Variants in SVOPL observed in about 807,000 individuals in gnomAD.
The protein encoded by SVOPL is putative transporter SVOPL.
A neutral mutation model predicts 61.0 loss-of-function variants in SVOPL; 60 were observed. The observed-to-expected ratio is 0.98, with a 90% CI of 0.80 to 1.22. SVOPL has a LOEUF of 1.22. Ranked by LOEUF, SVOPL falls within the 50% of genes most tolerant of loss-of-function variation. The pLI is 0.00. For missense variants in SVOPL, 662 were observed against 643.9 expected, an observed-to-expected ratio of 1.03 and a Z score of -0.30; for synonymous variants, 279 against 250.0, an observed-to-expected ratio of 1.12 and a Z score of -1.09.
chr7:138,639,635 AAAG>A (rs1584816761), intron 9 of SVOPL, among the ~76,000 whole-genome samples: 1 of 152,056 alleles, frequency 6.6e-6, no homozygotes, highest in Admixed American at 6.5e-5. Flanking sequence ...AAAAAAAAGA[AAAG>A]AAGAGAAAAG....
At chr7:138,669,663 A>G (rs1276377988) in intron 4 of SVOPL, among the ~76,000 whole-genome samples, 1 of 152,118 alleles carries the variant, frequency 6.6e-6, no homozygotes, top group Non-Finnish European at 1.5e-5. Context: ...TCCCTGGTTC[A>G]TTCATTCTCA....
At chr7:138,618,481 G>A (rs183766654) in intron 14 of SVOPL, among the ~76,000 whole-genome samples, 108 of 152,162 alleles carry the variant, frequency 7.1e-4, no homozygotes, top group Middle Eastern at 3.4e-3. Context: ...CCAACATCGC[G>A]AAACCCCGTC....
intron 14 of SVOPL, among the ~76,000 whole-genome samples, chr7:138,613,177 G>A (rs752436324): frequency 6.6e-5 from 10 of 151,524 alleles, no homozygotes; most frequent in East Asian, 3.9e-4. Flanking sequence ...GTGCCACCAC[G>A]CCTGGCTAAT....
chr7:138,690,622 G>T (rs1164341407), intron 1 of SVOPL, among the ~76,000 whole-genome samples: 1 of 152,176 alleles, frequency 6.6e-6, no homozygotes, highest in Non-Finnish European at 1.5e-5. Flanking sequence ...ATGAGTGGTT[G>T]CGGGGGGAGG....
chr7:138,647,847 CAAAA>C (rs33996391), intron 8 of SVOPL, among the ~76,000 whole-genome samples: 8 of 102,714 alleles, frequency 7.8e-5, no homozygotes, highest in Admixed American at 3.0e-4. Flanking sequence ...GACTCCGTTT[CAAAA>C]AAAAAAAAAA....
chr7:138,626,106 A>C (rs1799881528), intron 12 of SVOPL, 56 bp from the exon 13 acceptor site: 1 of 1,559,228 alleles, frequency 6.4e-7, no homozygotes, highest in Non-Finnish European at 8.8e-7. Flanking sequence ...GACCACCTCC[A>C]GTGGCCCAGC....
chr7:138,667,475 C>A (rs1166901208), intron 4 of SVOPL, among the ~76,000 whole-genome samples: 2 of 152,144 alleles, frequency 1.3e-5, no homozygotes, highest in African/African-American at 4.8e-5. Context: ...AAGATGAGAC[C>A]ATTCTTCCAC....
chr7:138,672,673 A>AAAAAAG (rs1563133311), intron 3 of SVOPL, among the ~76,000 whole-genome samples: 43 of 150,562 alleles, frequency 2.9e-4, no homozygotes, highest in African/African-American at 9.8e-4. Context: ...AAAAAAAAAA[A>AAAAAAG]AAGAAGCAAT....
At position 138,596,422 on chromosome 7, in the gene SVOPL, G is replaced by A. The variant is rs1267562035; in HGVS notation, c.1462C>T (p.Leu488Phe). 6.2e-7 allele frequency: 1 copy of A among 1,613,702 alleles called. No homozygotes were observed. ...TLPIETKGRA[L>F]QQIK is the part of the protein sequence containing the mutation. ...GAGTTCCCTGCATCACTCACCTGGA[G>A]GGCCCGTCCTTTGGTTTCGATGGGG... The change falls in exon 15 of 16, where the codon CTC becomes TTC. Residue 488 changes from leucine to phenylalanine, a missense_variant. Leu to Phe is a conservative substitution (Grantham distance 22). Coordinates refer to ENST00000674285, the MANE Select transcript of SVOPL (RefSeq NM_001139456.2).
intron 14 of SVOPL, among the ~76,000 whole-genome samples, chr7:138,610,018 C>A (rs1434850074): frequency 1.3e-5 from 2 of 152,076 alleles, no homozygotes; most frequent in Admixed American, 1.3e-4. Context: ...AGATGTGAGC[C>A]AGCATGCCTA....
chr7:138,607,833 A>T (rs1798823613), intron 14 of SVOPL, among the ~76,000 whole-genome samples: 1 of 152,248 alleles, frequency 6.6e-6, no homozygotes, highest in Admixed American at 6.5e-5. Flanking sequence ...TAGAAATCGC[A>T]GAAGGGCTAC....
rs114738197 is a variant in SVOPL at position 138,668,240 on chromosome 7, C to T, written c.273+3779G>A. On this transcript the variant is annotated intron_variant, in intron 4 of 15. Transcript: ENST00000674285. Reference sequence around the variant, plus strand: ...CTCTCGACTCACTGACCTTCCCCCACCCACCAAGTTGTCCTTAAAAACTCT... The same window carrying T: ...CTCTCGACTCACTGACCTTCCCCCATCCACCAAGTTGTCCTTAAAAACTCT... Among the ~76,000 whole-genome samples, 3,076 of 152,200 alleles carry T rather than the reference C, an allele frequency of 0.02. 166 individuals carry two copies. In the East Asian group the frequency reaches 0.23, roughly 11 times the overall value.
At chr7:138,664,824 C>G (rs1476177552) in intron 4 of SVOPL, among the ~76,000 whole-genome samples, 1 of 125,920 alleles carries the variant, frequency 7.9e-6, no homozygotes, top group Non-Finnish European at 1.7e-5. Flanking sequence ...GCGCTCGACC[C>G]TTCCCCCCAC....
chr7:138,615,373 C>A (rs183473086), intron 14 of SVOPL, among the ~76,000 whole-genome samples: 1 of 152,036 alleles, frequency 6.6e-6, no homozygotes, highest in East Asian at 1.9e-4. Flanking sequence ...CTGGCTAACA[C>A]AGTGAAACCC....
chr7:138,692,586 G>C (rs2117142896), intron 1 of SVOPL, among the ~76,000 whole-genome samples: 1 of 152,122 alleles, frequency 6.6e-6, no homozygotes, highest in Admixed American at 6.5e-5. Flanking sequence ...ATAATATTTT[G>C]TTTCCATGAT....
intron 14 of SVOPL, among the ~76,000 whole-genome samples, chr7:138,602,850 C>T (rs1798589274): frequency 6.6e-6 from 1 of 152,028 alleles, no homozygotes; most frequent in Non-Finnish European, 1.5e-5. Flanking sequence ...TTTTTATGCC[C>T]TCTTGGTGTG....
chr7:138,666,046 G>A (rs1286034883), intron 4 of SVOPL, among the ~76,000 whole-genome samples: 1 of 152,196 alleles, frequency 6.6e-6, no homozygotes, highest in East Asian at 1.9e-4. Context: ...AACTGCTTCT[G>A]CAAGAACAAT....
At chr7:138,602,013 T>C (rs1798545074) in intron 14 of SVOPL, among the ~76,000 whole-genome samples, 1 of 152,216 alleles carries the variant, frequency 6.6e-6, no homozygotes, top group African/African-American at 2.4e-5. Flanking sequence ...GTGTGGAACA[T>C]AAAAGGGCTC....
intron 5 of SVOPL, chr7:138,661,738 TCTC>T (rs991917571): frequency 1.2e-6 from 1 of 862,098 alleles, no homozygotes; most frequent in African/African-American, 1.8e-5. Context: ...AATTCTTTTC[TCTC>T]CTCCTTTAAA....
Sources: allele counts gnomAD v4.1 joint callset (sites outside exome capture counted in the v4.1 genomes callset), GRCh38; gene constraint gnomAD v4.1.1; transcripts MANE v1.5; gene names NCBI Gene and HGNC (gene_info 2026-07-23, HGNC 2026-07-21).